Variants in NREP observed in about 807,000 individuals in gnomAD.
The protein encoded by NREP is neuronal regeneration-related protein.
A neutral mutation model predicts 8.6 loss-of-function variants in NREP; 5 were observed. The ratio of observed to expected loss-of-function variants is 0.58; its 90% CI spans 0.30 to 1.22. The LOEUF is 1.22. Among genes scored for constraint, NREP ranks in the 50% most tolerant of loss-of-function variants. The pLI is 0.07. For missense variants in NREP, 86 were observed against 82.5 expected (o/e 1.04, Z -0.17); for synonymous variants, 27 against 28.0 (o/e 0.96, Z 0.11).
intron 2 of NREP, among the ~76,000 whole-genome samples, chr5:111,880,059 T>A (rs1321610764): frequency 6.6e-6 from 1 of 152,170 alleles, no homozygotes; most frequent in African/African-American, 2.4e-5. Flanking sequence ...AGTAGAGGAA[T>A]CTGAGCAAAT....
intron 3 of NREP, chr5:111,735,191 C>T (rs1748987500): frequency 2.4e-6 from 1 of 416,944 alleles, no homozygotes; most frequent in Admixed American, 3.8e-5. Flanking sequence ...CTTTGATAAA[C>T]TGATTCCATG....
At chr5:111,942,600 G>T (rs1755859067) in intron 2 of NREP, among the ~76,000 whole-genome samples, 1 of 151,782 alleles carries the variant, frequency 6.6e-6, no homozygotes, top group Admixed American at 6.6e-5. Context: ...AAATGATATA[G>T]AAGTTGATAT....
chr5:111,969,148 A>AT (rs1276873646), intron 2 of NREP, among the ~76,000 whole-genome samples: 4 of 152,228 alleles, frequency 2.6e-5, no homozygotes, highest in Non-Finnish European at 4.4e-5. Flanking sequence ...CAGCCTAAAA[A>AT]TGTTTCTAAT....
chr5:111,786,797 G>T (rs1237379126), intron 2 of NREP, among the ~76,000 whole-genome samples: 3 of 152,144 alleles, frequency 2.0e-5, no homozygotes, highest in Non-Finnish European at 4.4e-5. Flanking sequence ...TCAGAATTTT[G>T]TATATTGGGG....
At chr5:111,839,712 A>G (rs1752978107) in intron 2 of NREP, among the ~76,000 whole-genome samples, 1 of 152,120 alleles carries the variant, frequency 6.6e-6, no homozygotes, top group Non-Finnish European at 1.5e-5. Flanking sequence ...CAGAAGTAGG[A>G]GCAAAAGTTG....
chr5:111,781,433 G>A (rs1419689849), intron 2 of NREP, among the ~76,000 whole-genome samples: 1 of 152,126 alleles, frequency 6.6e-6, no homozygotes, highest in Admixed American at 6.6e-5. Flanking sequence ...CACTAAAAAT[G>A]TGGGCAAGCA....
intron 2 of NREP, among the ~76,000 whole-genome samples, chr5:111,821,316 T>C (rs1470240876): frequency 3.3e-5 from 5 of 152,156 alleles, no homozygotes; most frequent in Non-Finnish European, 5.9e-5. Flanking sequence ...GAATCTGAAA[T>C]GTAGCTCCAG....
At chr5:111,975,356 C>G in exon 2 of NREP, 1 of 1,551,594 alleles carries the variant, frequency 6.4e-7, no homozygotes, top group Non-Finnish European at 8.7e-7. Context: ...CCTCTGGGTT[C>G]GTGTTTCATC....
chr5:111,923,561 C>T (rs564766346), intron 2 of NREP, among the ~76,000 whole-genome samples: 1 of 152,294 alleles, frequency 6.6e-6, no homozygotes, highest in African/African-American at 2.4e-5. Flanking sequence ...TAGAAGACAG[C>T]AATTCTGCCA....
intron 2 of NREP, among the ~76,000 whole-genome samples, chr5:111,862,803 G>T (rs532484349): frequency 6.6e-6 from 1 of 151,652 alleles, no homozygotes; most frequent in South Asian, 2.1e-4. Flanking sequence ...TATAATTGTG[G>T]TAAGTATAGC....
intron 2 of NREP, among the ~76,000 whole-genome samples, chr5:111,735,881 G>C (rs1022488877): frequency 6.6e-6 from 1 of 151,986 alleles, no homozygotes; most frequent in African/African-American, 2.4e-5. Flanking sequence ...CACTGTTAAG[G>C]GTTATTCTGA....
At chr5:111,733,014 A>G (rs1748740649) in intron 3 of NREP, 1 of 152,218 alleles carries the variant, frequency 6.6e-6, no homozygotes, top group African/African-American at 2.4e-5. Flanking sequence ...TGAAACATAC[A>G]CAACAAAACA....
intron 2 of NREP, among the ~76,000 whole-genome samples, chr5:111,964,595 C>G (rs889618741): frequency 2.0e-5 from 3 of 152,006 alleles, no homozygotes; most frequent in African/African-American, 7.2e-5. Context: ...GTCTAGTACT[C>G]CTGGCCTCAA....
chr5:111,961,778 C>A (rs1483938311), intron 2 of NREP, among the ~76,000 whole-genome samples: 1 of 152,096 alleles, frequency 6.6e-6, no homozygotes, highest in African/African-American at 2.4e-5. Context: ...AATATAAATG[C>A]CTTTAGAGAC....
At position 111,731,034 on chromosome 5, in the gene NREP, C is replaced by A; in HGVS notation, c.94G>T (p.Val32Phe). Reference sequence around the variant, plus strand: ...TTCTTGCGGTTCACTTCCTTTGGGACAGGAAGTCTTCCCTGCAAAGCAGGC... The same window carrying A: ...TTCTTGCGGTTCACTTCCTTTGGGAAAGGAAGTCTTCCCTGCAAAGCAGGC... ...EGRLPKGRLP[V>F]PKEVNRKKND... is the part of the protein sequence containing the mutation. Residue 32 changes from valine to phenylalanine, a missense_variant, in exon 4 of 4, where the codon GTC (valine) becomes TTC (phenylalanine). Coordinates refer to ENST00000257435, the MANE Select transcript of NREP (RefSeq NM_004772.4). The A allele has an allele frequency of 1.2e-6, 2 of 1,613,864 alleles. No homozygotes were observed. The highest frequency in any genetic ancestry group is 2.2e-5 in the South Asian group (2 of 91,074).
At chr5:111,970,964 G>C (rs1344774370) in intron 2 of NREP, among the ~76,000 whole-genome samples, 1 of 152,004 alleles carries the variant, frequency 6.6e-6, no homozygotes, top group African/African-American at 2.4e-5. Flanking sequence ...ATTACCTAGG[G>C]AGCTTGTTAA....
intron 2 of NREP, among the ~76,000 whole-genome samples, chr5:111,909,000 T>C (rs1189013195): frequency 2.0e-5 from 3 of 152,068 alleles, no homozygotes; most frequent in African/African-American, 7.2e-5. Flanking sequence ...ATTTTTCTTA[T>C]GTCTGCTGGT....
intron 2 of NREP, among the ~76,000 whole-genome samples, chr5:111,784,688 A>T (rs377287024): frequency 1.6e-4 from 25 of 152,130 alleles, no homozygotes; most frequent in East Asian, 1.4e-3. Flanking sequence ...TGCATTTTTG[A>T]CTCTCCAAGA....
At chr5:111,803,145 C>T (rs546620392) in intron 2 of NREP, among the ~76,000 whole-genome samples, 1 of 152,282 alleles carries the variant, frequency 6.6e-6, no homozygotes, top group Non-Finnish European at 1.5e-5. Flanking sequence ...ACCAGCCATA[C>T]AGTCAGAGTT....
Sources: allele counts gnomAD v4.1 joint callset (sites outside exome capture counted in the v4.1 genomes callset), GRCh38; gene constraint gnomAD v4.1.1; transcripts MANE v1.5; gene names NCBI Gene and HGNC (gene_info 2026-07-23, HGNC 2026-07-21).